The following ITCH variants were observed in gnomAD, a reference collection of about 807,000 sequenced individuals.
ITCH encodes itchy E3 ubiquitin protein ligase, also known as E3 ubiquitin-protein ligase Itchy homolog.
In ITCH, 28 loss-of-function variants were observed where a neutral mutation model predicts 126.8. The ratio of observed to expected loss-of-function variants is 0.22; its 90% CI spans 0.16 to 0.30. The LOEUF is 0.30. ITCH is among the 10% of genes least tolerant of loss of function. The pLI is 1.00. For missense variants in ITCH, 631 were observed against 1,032.4 expected, an observed-to-expected ratio of 0.61 and a Z score of 5.33; for synonymous variants, 342 against 340.0, an observed-to-expected ratio of 1.01 and a Z score of -0.06.
At position 34,493,234 on chromosome 20, in the gene ITCH, C is replaced by A. The variant is rs576570890; in HGVS notation, c.2416+637C>A. ...TTAAGATCCCAAAGCCTGCTTCAGA[C>A]TGAAGCAGAGAGTCAAAATTAGAAC... On this transcript the variant is annotated intron_variant, in intron 23 of 24. Transcript: ENST00000374864. 5.1e-4 allele frequency among the ~76,000 whole-genome samples: 77 copies of A among 152,266 alleles called. 2 individuals carry two copies. The South Asian group carries it at 7.7e-3, about 15-fold the overall frequency.
At chr20:34,424,408 A>G in intron 6 of ITCH, 72 bp from the exon 7 acceptor site, 3 of 1,101,420 alleles carry the variant, frequency 2.7e-6, no homozygotes, top group Admixed American at 1.7e-5. Context: ...CTTACATGGC[A>G]TGTTTAGAAA....
At chr20:34,417,223 A>C in intron 6 of ITCH, 1 of 657,270 alleles carries the variant, frequency 1.5e-6, no homozygotes, top group Non-Finnish European at 2.8e-6. Flanking sequence ...CAGCCTCCCG[A>C]GTAGCTGGGT....
intron 16 of ITCH, chr20:34,476,648 G>C (rs1481325250): frequency 6.3e-6 from 2 of 317,696 alleles, no homozygotes; most frequent in Non-Finnish European, 1.1e-5. Flanking sequence ...TCTGGCTTGA[G>C]TGGGATGTGA....
intron 3 of ITCH, among the ~76,000 whole-genome samples, chr20:34,398,625 C>T (rs1169950971): frequency 6.6e-6 from 1 of 152,160 alleles, no homozygotes; most frequent in Non-Finnish European, 1.5e-5. Flanking sequence ...TCTTGAACTC[C>T]TGACCTCAGG....
intron 1 of ITCH, among the ~76,000 whole-genome samples, chr20:34,366,118 C>T (rs2037412469): frequency 6.6e-6 from 1 of 152,024 alleles, no homozygotes; most frequent in Non-Finnish European, 1.5e-5. Flanking sequence ...TGAGTGAATG[C>T]CTTAATGCTG....
At chr20:34,438,742 A>G (rs1445953681) in intron 8 of ITCH, 111 bp downstream of exon 8, 6 of 1,365,978 alleles carry the variant, frequency 4.4e-6, no homozygotes, top group South Asian at 1.2e-5. Flanking sequence ...GTATTTTTAC[A>G]TTTAAGATTT....
chr20:34,371,279 C>CTTTT (rs770951963), intron 2 of ITCH, among the ~76,000 whole-genome samples: 60 of 118,452 alleles, frequency 5.1e-4, no homozygotes, highest in African/African-American at 1.1e-3. Context: ...ATCACTTCTT[C>CTTTT]TTTTTTTTTT....
chr20:34,417,574 A>ATTTTTTT (rs753533391), intron 6 of ITCH, among the ~76,000 whole-genome samples: 1 of 143,618 alleles, frequency 7.0e-6, no homozygotes, highest in Non-Finnish European at 1.5e-5. Flanking sequence ...TAAGTTTTGT[A>ATTTTTTT]TTTTTAGTAC....
intron 16 of ITCH, among the ~76,000 whole-genome samples, 161 bp downstream of exon 16, chr20:34,471,676 GTGT>G (rs1283472576): frequency 2.7e-5 from 1 of 36,444 alleles, no homozygotes; most frequent in Admixed American, 2.0e-4. Flanking sequence ...CTTAAGGGGT[GTGT>G]GTGTGTGTGT....
intron 23 of ITCH, among the ~76,000 whole-genome samples, chr20:34,502,270 GT>G (rs1990300875): frequency 6.6e-6 from 1 of 151,948 alleles, no homozygotes; most frequent in Admixed American, 6.6e-5. Context: ...TGTAGTCCCA[GT>G]TATTTGGAGG....
intron 2 of ITCH, among the ~76,000 whole-genome samples, chr20:34,372,613 C>T (rs2037683572): frequency 6.6e-6 from 1 of 151,950 alleles, no homozygotes; most frequent in Admixed American, 6.6e-5. Flanking sequence ...ATCTCCTGAC[C>T]TCGTGATCTG....
chr20:34,399,878 C>A (rs1439718884), intron 3 of ITCH, among the ~76,000 whole-genome samples: 1 of 151,962 alleles, frequency 6.6e-6, no homozygotes, highest in Non-Finnish European at 1.5e-5. Context: ...TCCTCATCCT[C>A]TATAGTGGCT....
At chr20:34,477,033 T>C (rs1988294490) in intron 16 of ITCH, among the ~76,000 whole-genome samples, 1 of 152,114 alleles carries the variant, frequency 6.6e-6, no homozygotes, top group Non-Finnish European at 1.5e-5. Context: ...TGAGAATGAG[T>C]TTCCAAAGTT....
chr20:34,482,604 C>T (rs528954748), intron 20 of ITCH, among the ~76,000 whole-genome samples: 1 of 152,336 alleles, frequency 6.6e-6, no homozygotes, highest in South Asian at 2.1e-4. Context: ...CCTTGGGCAA[C>T]ACTGCCCTTG....
intron 5 of ITCH, among the ~76,000 whole-genome samples, chr20:34,412,950 C>T (rs1320211264): frequency 4.0e-5 from 6 of 151,276 alleles, no homozygotes; most frequent in Admixed American, 4.0e-4. Flanking sequence ...AATAAAAATC[C>T]CACTTCAGAG....
At chr20:34,480,443 C>A (rs1988635196) in intron 18 of ITCH, among the ~76,000 whole-genome samples, 156 bp from the exon 19 acceptor site, 1 of 151,978 alleles carries the variant, frequency 6.6e-6, no homozygotes, top group African/African-American at 2.4e-5. Flanking sequence ...CTCAGGTGAT[C>A]CACCCACCTC....
intron 24 of ITCH, among the ~76,000 whole-genome samples, chr20:34,505,288 C>T (rs754862936): frequency 6.6e-5 from 10 of 152,134 alleles, no homozygotes; most frequent in Non-Finnish European, 1.3e-4. Flanking sequence ...AGGTGATCCA[C>T]CCACCTCGGC....
intron 2 of ITCH, among the ~76,000 whole-genome samples, chr20:34,374,656 C>G (rs1406959801): frequency 6.6e-6 from 1 of 151,998 alleles, no homozygotes; most frequent in Admixed American, 6.6e-5. Flanking sequence ...AATGACAGAT[C>G]AGACTGGGAC....
intron 12 of ITCH, among the ~76,000 whole-genome samples, chr20:34,454,263 G>C (rs943008910): frequency 6.7e-6 from 1 of 149,800 alleles, no homozygotes; most frequent in Non-Finnish European, 1.5e-5. Context: ...TCAGCCTCCC[G>C]AGTAGCTGGG....
Sources: gnomAD v4.1 joint callset for allele counts (sites outside exome capture counted in the v4.1 genomes callset) on GRCh38, gnomAD v4.1.1 for gene constraint, MANE v1.5 for transcripts, NCBI Gene and HGNC (gene_info 2026-07-23, HGNC 2026-07-21) for gene names.